DIP2B: variants seen among roughly 807,000 people sequenced by gnomAD.
The protein encoded by DIP2B is DIP2 acetate--CoA ligase B (putative).
A neutral mutation model predicts 198.0 loss-of-function variants in DIP2B; 76 were observed. The ratio of observed to expected loss-of-function variants is 0.38; its 90% CI spans 0.32 to 0.46. The LOEUF is 0.46. Among genes scored for constraint, DIP2B ranks in the 20% least tolerant of loss-of-function variants. DIP2B has a pLI of 0.99. For synonymous variants in DIP2B, 701 were observed against 739.1 expected, an observed-to-expected ratio of 0.95 and a Z score of 0.84; for missense variants, 1,559 against 1,978.4, an observed-to-expected ratio of 0.79 and a Z score of 4.02.
At chr12:50,653,438 T>C (rs1167525307) in intron 3 of DIP2B, among the ~76,000 whole-genome samples, 3 of 138,166 alleles carry the variant, frequency 2.2e-5, no homozygotes, top group African/African-American at 8.0e-5. Flanking sequence ...TTCTCCCACC[T>C]CAACCCCGCC....
chr12:50,660,839 T>C (rs1373360028), intron 4 of DIP2B, among the ~76,000 whole-genome samples: 1 of 152,192 alleles, frequency 6.6e-6, no homozygotes, highest in Non-Finnish European at 1.5e-5. Context: ...TATAAGTGTG[T>C]TTATGTGTGT....
chr12:50,555,392 C>T (rs1173482371), intron 1 of DIP2B, among the ~76,000 whole-genome samples: 1 of 152,220 alleles, frequency 6.6e-6, no homozygotes, highest in Non-Finnish European at 1.5e-5. Flanking sequence ...ATTCAGCTTT[C>T]TTGGCTCTGC....
chr12:50,647,468 A>AT (rs779428287), intron 3 of DIP2B, among the ~76,000 whole-genome samples: 4 of 152,172 alleles, frequency 2.6e-5, no homozygotes, highest in Non-Finnish European at 5.9e-5. Context: ...AAATTAAAAT[A>AT]TCCCCTCCTT....
rs754081056 is a variant in DIP2B at position 50,520,604 on chromosome 12, C to G, written c.100+15364C>G. ...ACCAAGAGAAGTACTAGAAAATGAACATCCTGTTAAAAAAACAACTTCTCC... is the reference window on the plus strand; with the variant it reads ...ACCAAGAGAAGTACTAGAAAATGAAGATCCTGTTAAAAAAACAACTTCTCC... On this transcript the variant is annotated intron_variant, in intron 1 of 37. Coordinates refer to ENST00000301180, the MANE Select transcript of DIP2B (RefSeq NM_173602.3). Among the ~76,000 whole-genome samples, 3 of 152,134 alleles carry G rather than the reference C, an allele frequency of 2.0e-5. No individual in the cohort carries two copies. The East Asian group carries it at 5.8e-4, about 29-fold the overall frequency.
intron 1 of DIP2B, among the ~76,000 whole-genome samples, chr12:50,614,066 T>A (rs981455174): frequency 6.6e-6 from 1 of 152,230 alleles, no homozygotes; most frequent in African/African-American, 2.4e-5. Context: ...CTTTCCCTTT[T>A]TAACAAAACA....
chr12:50,515,315 A>T (rs1347656490), intron 1 of DIP2B, among the ~76,000 whole-genome samples: 1 of 147,252 alleles, frequency 6.8e-6, no homozygotes, highest in South Asian at 2.2e-4. Context: ...GCTCACTGCA[A>T]CCCCCTCTCC....
At chr12:50,524,697 C>T (rs923329353) in intron 1 of DIP2B, among the ~76,000 whole-genome samples, 5 of 152,216 alleles carry the variant, frequency 3.3e-5, no homozygotes, top group African/African-American at 1.2e-4. Context: ...ACATCTGTAG[C>T]TGTAGACAGA....
At chr12:50,691,681 GACA>G (rs1222153759) in intron 13 of DIP2B, among the ~76,000 whole-genome samples, 1 of 152,018 alleles carries the variant, frequency 6.6e-6, no homozygotes, top group Non-Finnish European at 1.5e-5. Flanking sequence ...TTTTTAACCA[GACA>G]ACAATGTTCT....
chr12:50,592,811 G>C (rs770467856), intron 1 of DIP2B, among the ~76,000 whole-genome samples: 1 of 152,152 alleles, frequency 6.6e-6, no homozygotes, highest in East Asian at 1.9e-4. Flanking sequence ...ATAACTAATA[G>C]TATGATGCTT....
intron 1 of DIP2B, among the ~76,000 whole-genome samples, chr12:50,562,363 A>G (rs1165650518): frequency 6.6e-6 from 1 of 152,140 alleles, no homozygotes. Context: ...GCTTAAAAGC[A>G]TAGAACAGGG....
intron 1 of DIP2B, among the ~76,000 whole-genome samples, chr12:50,589,923 A>G (rs1040912364): frequency 6.6e-6 from 1 of 152,074 alleles, no homozygotes; most frequent in African/African-American, 2.4e-5. Context: ...TCTCTCTTTT[A>G]TCTGTTCTCT....
At chr12:50,554,603 T>C (rs779559256) in intron 1 of DIP2B, among the ~76,000 whole-genome samples, 10 of 152,170 alleles carry the variant, frequency 6.6e-5, no homozygotes, top group Admixed American at 1.3e-4. Flanking sequence ...ACTGGGTGCG[T>C]GGCATGGCGG....
intron 1 of DIP2B, among the ~76,000 whole-genome samples, chr12:50,544,168 C>T (rs1446328705): frequency 2.0e-5 from 3 of 149,318 alleles, no homozygotes; most frequent in African/African-American, 4.9e-5. Flanking sequence ...GCAGAGATTG[C>T]AGTGAGATCA....
In DIP2B at chr12:50,678,845, G is replaced by A; in HGVS notation, c.1083G>A (p.Met361Ile). 1 of 1,614,204 alleles carries A rather than the reference G, an allele frequency of 6.2e-7. No homozygotes were observed. The highest frequency in any genetic ancestry group is 1.3e-5 in the African/African-American group (1 of 75,052). The change falls in exon 8 of 38, where the codon ATG becomes ATA. Residue 361 changes from methionine to isoleucine, a missense_variant. Coordinates refer to ENST00000301180, the MANE Select transcript of DIP2B (RefSeq NM_173602.3). ...GCTCCTGTCTGACTGCACTGGACAT[G>A]ACAGGGAAACCAGTTTACACTCTTA... ...AKCSCLTALDMTGKPVYTLTY... is the reference protein window; with the variant it reads ...AKCSCLTALDITGKPVYTLTY...
chr12:50,656,344 G>A (rs1938553848), intron 3 of DIP2B, among the ~76,000 whole-genome samples: 1 of 152,070 alleles, frequency 6.6e-6, no homozygotes, highest in Non-Finnish European at 1.5e-5. Context: ...TCTGGAGGAG[G>A]AAAAGTACCT....
chr12:50,566,796 C>T (rs1312447289), intron 1 of DIP2B, among the ~76,000 whole-genome samples: 4 of 151,896 alleles, frequency 2.6e-5, no homozygotes, highest in African/African-American at 4.8e-5. Context: ...GGTGAAACCC[C>T]GTCTCTACTA....
At chr12:50,652,272 C>T (rs927676799) in intron 3 of DIP2B, among the ~76,000 whole-genome samples, 2 of 151,088 alleles carry the variant, frequency 1.3e-5, no homozygotes. Context: ...GAGACTGTGC[C>T]ACTGCACTCC....
At chr12:50,575,794 G>A (rs1593622017) in intron 1 of DIP2B, among the ~76,000 whole-genome samples, 1 of 151,994 alleles carries the variant, frequency 6.6e-6, no homozygotes, top group Non-Finnish European at 1.5e-5. Context: ...GTCTTGCTTT[G>A]TCGCCCAGGC....
chr12:50,560,350 G>T (rs191778321), intron 1 of DIP2B, among the ~76,000 whole-genome samples: 182 of 150,320 alleles, frequency 1.2e-3, no homozygotes, highest in African/African-American at 4.4e-3. Context: ...AGCCGAGATC[G>T]CAGCCACTGC....
Sources: gnomAD v4.1 joint callset for allele counts (sites outside exome capture counted in the v4.1 genomes callset) on GRCh38, gnomAD v4.1.1 for gene constraint, MANE v1.5 for transcripts, NCBI Gene and HGNC (gene_info 2026-07-23, HGNC 2026-07-21) for gene names.